The following TBC1D22A variants were observed in gnomAD, a reference collection of about 807,000 sequenced individuals.
The protein encoded by TBC1D22A is TBC1 domain family member 22A.
TBC1D22A carries 38 observed loss-of-function variants against 60.2 expected under a neutral mutation model. The ratio of observed to expected loss-of-function variants is 0.63; its 90% confidence interval spans 0.49 to 0.83. The LOEUF (loss-of-function observed/expected upper bound fraction) is 0.83. TBC1D22A is among the 40% of genes least tolerant of loss of function. TBC1D22A has a pLI of 0.00. For synonymous variants in TBC1D22A, 302 were observed against 281.7 expected (o/e 1.07, Z -0.72); for missense variants, 628 against 701.0 (o/e 0.90, Z 1.18).
chr22:46,811,394 G>C (rs2085370300), intron 4 of TBC1D22A, among the ~76,000 whole-genome samples: 1 of 152,212 alleles, frequency 6.6e-6, no homozygotes. Context: ...ATGAGCACTT[G>C]AGTTGTGTGG....
At chr22:46,827,914 C>T (rs114513964) in intron 4 of TBC1D22A, among the ~76,000 whole-genome samples, 376 of 152,328 alleles carry the variant, frequency 2.5e-3, no homozygotes, top group African/African-American at 8.3e-3. Flanking sequence ...GCTCTTTGTG[C>T]GGATATATGG....
At chr22:47,090,380 A>T (rs2064873974) in intron 11 of TBC1D22A, among the ~76,000 whole-genome samples, 1 of 152,222 alleles carries the variant, frequency 6.6e-6, no homozygotes, top group Admixed American at 6.5e-5. Context: ...TTCTGCCTGG[A>T]TGCCACTCCA....
intron 10 of TBC1D22A, among the ~76,000 whole-genome samples, chr22:47,032,762 C>T (rs895269054): frequency 2.0e-5 from 3 of 152,242 alleles, no homozygotes; most frequent in Admixed American, 1.3e-4. Flanking sequence ...CTTATCTCCA[C>T]GGCAGAGCTT....
intron 8 of TBC1D22A, among the ~76,000 whole-genome samples, chr22:46,912,652 G>A (rs1249784937): frequency 6.6e-6 from 1 of 152,156 alleles, no homozygotes; most frequent in Admixed American, 6.5e-5. Flanking sequence ...TGCCTCCCGG[G>A]TTCAAGTGAT....
At chr22:47,085,479 CA>C (rs2064643437) in intron 11 of TBC1D22A, among the ~76,000 whole-genome samples, 1 of 152,010 alleles carries the variant, frequency 6.6e-6, no homozygotes, top group African/African-American at 2.4e-5. Flanking sequence ...TCCATCTTAG[CA>C]TTTATTATTA....
intron 8 of TBC1D22A, among the ~76,000 whole-genome samples, chr22:46,952,574 A>G (rs1602638036): frequency 6.6e-6 from 1 of 152,266 alleles, no homozygotes; most frequent in East Asian, 1.9e-4. Context: ...CTGAAATGTC[A>G]GCTTTCTAGC....
At chr22:46,998,860 G>A (rs917266124) in intron 10 of TBC1D22A, among the ~76,000 whole-genome samples, 2 of 152,192 alleles carry the variant, frequency 1.3e-5, no homozygotes, top group Non-Finnish European at 2.9e-5. Flanking sequence ...TTTTGCCTCC[G>A]TCAGTGCGTT....
At chr22:47,083,208 T>A (rs1194536642) in intron 11 of TBC1D22A, among the ~76,000 whole-genome samples, 3 of 141,712 alleles carry the variant, frequency 2.1e-5, no homozygotes, top group African/African-American at 8.0e-5. Flanking sequence ...TTATATATCT[T>A]GATAGGGATG....
At chr22:47,089,237 T>C (rs1569434425) in intron 11 of TBC1D22A, among the ~76,000 whole-genome samples, 1 of 152,244 alleles carries the variant, frequency 6.6e-6, no homozygotes, top group Non-Finnish European at 1.5e-5. Context: ...ATTGTTTTGA[T>C]GTAATAATAG....
rs116914637 is a variant in TBC1D22A, at chr22:46,967,123, C to T, written c.1016-7167C>T. On this transcript the variant is annotated intron_variant, in intron 8 of 12. Transcript: ENST00000337137. ...CAAGCTTACAGCCGTGGAGCAGAGT[C>T]GGGAACTGTGACTGTGGTTCAGTCT... is the stretch of plus-strand genomic sequence containing the variant. 3.9e-3 allele frequency among the ~76,000 whole-genome samples: 592 copies of T among 152,286 alleles called. 2 individuals are homozygous for T. The highest frequency in any genetic ancestry group is 0.016 in the South Asian group (77 of 4,824).
At chr22:47,149,448 C>T (rs2067416546) in intron 12 of TBC1D22A, among the ~76,000 whole-genome samples, 1 of 152,288 alleles carries the variant, frequency 6.6e-6, no homozygotes, top group African/African-American at 2.4e-5. Flanking sequence ...AGAAAAAGCT[C>T]TCCCGTGTAT....
intron 12 of TBC1D22A, among the ~76,000 whole-genome samples, chr22:47,151,143 C>T (rs141773294): frequency 3.3e-5 from 5 of 152,268 alleles, no homozygotes; most frequent in East Asian, 1.9e-4. Context: ...CTGCTGGGTT[C>T]GTGCAGATTC....
At position 47,074,817 on chromosome 22, in the gene TBC1D22A, C is replaced by G. The variant is rs189129107; in HGVS notation, c.1330-36691C>G. Among the ~76,000 whole-genome samples the G allele has an allele frequency of 3.4e-3, 516 of 152,334 alleles. 4 individuals carry two copies. Among genetic ancestry groups the G allele is most frequent in the African/African-American group, 0.011 (468 of 41,572 alleles). On this transcript the variant is annotated intron_variant, in intron 11 of 12. Coordinates refer to ENST00000337137, the MANE Select transcript of TBC1D22A (RefSeq NM_014346.5). Reference sequence around the variant, plus strand: ...ACAGATCAAGTCTGCACACCGCAGCCTGGCTGCGAGGGTCCTTTTCATCCA... The same window carrying G: ...ACAGATCAAGTCTGCACACCGCAGCGTGGCTGCGAGGGTCCTTTTCATCCA...
intron 11 of TBC1D22A, among the ~76,000 whole-genome samples, chr22:47,079,142 A>G (rs2064352571): frequency 7.1e-6 from 1 of 141,764 alleles, no homozygotes; most frequent in African/African-American, 2.7e-5. Flanking sequence ...GCTGGTGTGC[A>G]GTGGCACGAT....
At chr22:46,804,509 A>G (rs1315674702) in intron 4 of TBC1D22A, among the ~76,000 whole-genome samples, 1 of 152,224 alleles carries the variant, frequency 6.6e-6, no homozygotes, top group Non-Finnish European at 1.5e-5. Flanking sequence ...TTTTATCTGC[A>G]GAGTGATCTG....
rs555063125 is a variant in TBC1D22A, at chr22:46,841,063, T to TGTGTGTG, written c.638-37589_638-37583dup. On this transcript the variant is annotated intron_variant, in intron 4 of 12. Coordinates refer to ENST00000337137, the MANE Select transcript of TBC1D22A (RefSeq NM_014346.5). ...ATGAAAATGGGTGTGTGTGTGTGTG[T>TGTGTGTG]GTGTGTGTGTGAGAGAGAGAGAGAG... 5.0e-4 allele frequency among the ~76,000 whole-genome samples: 76 copies of TGTGTGTG among 150,540 alleles called. 2 individuals carry two copies. The South Asian group carries it at 0.015, about 29-fold the overall frequency.
chr22:46,817,422 C>T (rs948793464), intron 4 of TBC1D22A, among the ~76,000 whole-genome samples: 18 of 152,266 alleles, frequency 1.2e-4, no homozygotes, highest in African/African-American at 3.6e-4. Flanking sequence ...CGCCCACCAA[C>T]GGGTGCTGGT....
Position 47,111,585 on chromosome 22 carries a change from A to G in TBC1D22A, c.1407A>G (p.Leu469=). Residue 469 remains leucine (L), a synonymous_variant, in exon 12 of 13, where the codon CTA becomes CTG. Coordinates refer to ENST00000337137, the MANE Select transcript of TBC1D22A (RefSeq NM_014346.5). The stretch of plus-strand genomic sequence containing the variant: ...TCGTGAGATGGAGGAAGGAAATACT[A>G]GAAGAAAAAGATTTTCAAGTAAGTA... ...AFLVRWRKEI[L]EEKDFQELLL... 1 of 1,613,946 alleles carries G rather than the reference A, an allele frequency of 6.2e-7. No homozygotes were observed. The highest frequency in any genetic ancestry group is 8.5e-7 in the Non-Finnish European group (1 of 1,179,912).
chr22:47,109,995 G>T (rs1001565116), intron 11 of TBC1D22A, among the ~76,000 whole-genome samples: 1 of 152,036 alleles, frequency 6.6e-6, no homozygotes, highest in Non-Finnish European at 1.5e-5. Context: ...TTTGAAGCCT[G>T]CATTTTTCCC....
Sources: gnomAD v4.1 joint callset for allele counts (sites outside exome capture counted in the v4.1 genomes callset) on GRCh38, gnomAD v4.1.1 for gene constraint, MANE v1.5 for transcripts, NCBI Gene and HGNC (gene_info 2026-07-23, HGNC 2026-07-21) for gene names.